Variants in TOMM70 observed in about 807,000 individuals in gnomAD.
TOMM70 encodes mitochondrial import receptor subunit TOM70.
TOMM70 carries 13 observed loss-of-function variants against 73.6 expected under a neutral mutation model. That is an observed-to-expected ratio of 0.18 (90% CI 0.11 to 0.28). The LOEUF (loss-of-function observed/expected upper bound fraction) is 0.28, where lower values mean the gene tolerates loss of function less well. Among genes scored for constraint, TOMM70 ranks in the 10% least tolerant of loss-of-function variants. TOMM70 has a pLI of 1.00. For missense variants in TOMM70, 609 were observed against 747.5 expected (o/e 0.81, Z 2.16); for synonymous variants, 257 against 271.2 (o/e 0.95, Z 0.51).
In TOMM70 at chr3:100,379,582, C is replaced by T. The variant is rs566194845; in HGVS notation, c.885-1670G>A. The stretch of plus-strand genomic sequence containing the variant: ...GTTGGAGGCTGTAGTGAGCTATGAT[C>T]GCAACACTCTACTCCAGCCTGAGTG... On this transcript the variant is annotated intron_variant, in intron 5 of 11. Transcript: ENST00000284320. Among the ~76,000 whole-genome samples the T allele has an allele frequency of 8.5e-5, 13 of 152,262 alleles. No individual in the cohort carries two copies. The South Asian group carries it at 2.1e-3, about 24-fold the overall frequency.
intron 4 of TOMM70, among the ~76,000 whole-genome samples, chr3:100,383,514 A>C (rs58613702): frequency 0.021 from 2,676 of 124,532 alleles, 71 homozygotes; most frequent in African/African-American, 0.072. Context: ...AAGAAAGAAA[A>C]AAACAAACAA....
intron 1 of TOMM70, among the ~76,000 whole-genome samples, chr3:100,391,681 C>A (rs1177078507): frequency 6.6e-6 from 1 of 152,140 alleles, no homozygotes; most frequent in Non-Finnish European, 1.5e-5. Context: ...AAGCAATCCT[C>A]CCACCTTAGC....
rs1706896895 is a variant in TOMM70 at position 100,401,054 on chromosome 3, G to A, written c.-105C>T. 1.6e-6 allele frequency: 2 copies of A among 1,216,272 alleles called. No homozygotes were observed. Among genetic ancestry groups the A allele is most frequent in the Non-Finnish European group, 2.3e-6 (2 of 867,938 alleles). 75.3% of individuals were successfully genotyped at this position (1,216,272 alleles called of 1,614,324 possible). A position where few individuals can be genotyped will look rare whatever the true frequency, so the allele number is the denominator to read the frequency against. ...GAGGGAAGGAAAGCAATGAGCGAGC[G>A]AGCACGCTAGGCAGAGAGAGCGGAC... On this transcript the variant is annotated 5_prime_UTR_variant, in exon 1 of 12. Coordinates refer to ENST00000284320, the MANE Select transcript of TOMM70 (RefSeq NM_014820.5).
At position 100,401,049 on chromosome 3, in the gene TOMM70, C is replaced by T; in HGVS notation, c.-100G>A. ...CGAGGGAGGGAAGGAAAGCAATGAG[C>T]GAGCGAGCACGCTAGGCAGAGAGAG... On this transcript the variant is annotated 5_prime_UTR_variant, in exon 1 of 12. Transcript: ENST00000284320. The T allele has an allele frequency of 8.1e-7, 1 of 1,241,550 alleles. No individual in the cohort carries two copies. The highest frequency in any genetic ancestry group is 1.1e-6 in the Non-Finnish European group (1 of 891,110). The allele number at this position is 1,241,550 out of a possible 1,614,324, so 76.9% of individuals were successfully genotyped here. A position where few individuals can be genotyped will look rare whatever the true frequency, so the allele number is the denominator to read the frequency against.
intron 6 of TOMM70, 91 bp from the exon 7 acceptor site, chr3:100,375,243 A>AT (rs1337983489): frequency 7.0e-6 from 10 of 1,425,406 alleles, no homozygotes; most frequent in Non-Finnish European, 9.2e-6. Flanking sequence ...TATAATCCAC[A>AT]TATCACAAAG....
In TOMM70 at chr3:100,386,305, C is replaced by T. The variant is rs1706691592; in HGVS notation, c.538G>A (p.Val180Ile). 6.2e-7 allele frequency: 1 copy of T among 1,613,180 alleles called. No homozygotes were observed. Among genetic ancestry groups the T allele is most frequent in the East Asian group, 2.2e-5 (1 of 44,752 alleles). Reference sequence around the variant, plus strand: ...TTCACATATTTGGGATTAAGTTCAACAGCTTTTGTACAGTCTTGTGCCACT... The same window carrying T: ...TTCACATATTTGGGATTAAGTTCAATAGCTTTTGTACAGTCTTGTGCCACT... ...KEVAQDCTKAVELNPKYVKAL... is the reference protein window; with the variant it reads ...KEVAQDCTKAIELNPKYVKAL... Residue 180 changes from valine (V) to isoleucine (I), a missense_variant, in exon 3 of 12, where the codon GTT (valine) becomes ATT (isoleucine). Val to Ile is a conservative substitution (Grantham distance 29, BLOSUM62 3). This residue lies in a region of TOMM70 where 432 missense variants were observed against 584.1 expected (regional missense o/e 0.74). Transcript: ENST00000284320.
chr3:100,392,364 T>TA (rs1346026770), intron 1 of TOMM70, among the ~76,000 whole-genome samples: 1 of 152,176 alleles, frequency 6.6e-6, no homozygotes, highest in African/African-American at 2.4e-5. Context: ...ATACTTCAGG[T>TA]AATACACCAA....
chr3:100,374,773 G>A (rs900391120), intron 7 of TOMM70, among the ~76,000 whole-genome samples: 1 of 152,084 alleles, frequency 6.6e-6, no homozygotes, highest in Admixed American at 6.6e-5. Flanking sequence ...AAACAAACTT[G>A]AACTGGTAAG....
chr3:100,393,454 T>C (rs996820169), intron 1 of TOMM70, among the ~76,000 whole-genome samples: 4 of 150,408 alleles, frequency 2.7e-5, no homozygotes, highest in Admixed American at 6.6e-5. Flanking sequence ...AGGAGGGGGG[T>C]GGCAGAGCAT....
chr3:100,382,186 CGTTTTAAATAAATAA>C (rs1438585125), intron 4 of TOMM70, among the ~76,000 whole-genome samples: 4 of 152,094 alleles, frequency 2.6e-5, no homozygotes, highest in African/African-American at 9.7e-5. Flanking sequence ...ACACAATTAC[CGTTTTAAATAAATAA>C]GTTTTAAATA....
At chr3:100,368,198 A>G in intron 10 of TOMM70, 32 bp from the exon 11 acceptor site, 1 of 1,602,936 alleles carries the variant, frequency 6.2e-7, no homozygotes, top group Non-Finnish European at 8.5e-7. Flanking sequence ...AGATGTGACC[A>G]TGGCCCAGTA....
intron 6 of TOMM70, among the ~76,000 whole-genome samples, chr3:100,376,718 C>G (rs1706570119): frequency 6.6e-6 from 1 of 151,962 alleles, no homozygotes; most frequent in South Asian, 2.1e-4. Flanking sequence ...ATTTAGGGCT[C>G]TAATCCATTT....
At chr3:100,374,951 A>T in intron 7 of TOMM70, 67 bp downstream of exon 7, 1 of 1,432,998 alleles carries the variant, frequency 7.0e-7, no homozygotes, top group Non-Finnish European at 9.2e-7. Context: ...ATTACATAAG[A>T]AATTCTCAAA....
rs749149114 is a variant in TOMM70, at chr3:100,364,615, C to T, written c.*949G>A. 5.3e-5 allele frequency: 8 copies of T among 152,024 alleles called. No individual in the cohort carries two copies. The highest frequency in any genetic ancestry group is 1.9e-4 in the East Asian group (1 of 5,182). The allele number at this position is 152,024 out of a possible 1,614,324, so 9.4% of individuals were successfully genotyped here. A position where few individuals can be genotyped will look rare whatever the true frequency, so the allele number is the denominator to read the frequency against. The stretch of plus-strand genomic sequence containing the variant: ...CCCAGGCTGGAGTGCAGTGGCTATT[C>T]GCAGGTGCAATCATCATGGCACATT... On this transcript the variant is annotated 3_prime_UTR_variant, in exon 12 of 12. Transcript: ENST00000284320.
rs748259834 is a variant in TOMM70, at chr3:100,400,959, C to T, written c.-10G>A. Reference sequence around the variant, plus strand: ...GTTTAGAGGCGGCCATGACAAGTGTCCTCTGCCACCGCCTCCCTGTCTGTC... The same window carrying T: ...GTTTAGAGGCGGCCATGACAAGTGTTCTCTGCCACCGCCTCCCTGTCTGTC... On this transcript the variant is annotated 5_prime_UTR_variant, in exon 1 of 12. Transcript: ENST00000284320. 3.4e-4 allele frequency: 526 copies of T among 1,527,902 alleles called. No homozygotes were observed. The highest frequency in any genetic ancestry group is 4.4e-4 in the Non-Finnish European group (507 of 1,143,772). The allele number at this position is 1,527,902 out of a possible 1,614,324, so 94.6% of individuals were successfully genotyped here. A position where few individuals can be genotyped will look rare whatever the true frequency, so the allele number is the denominator to read the frequency against.
At chr3:100,378,406 A>AT (rs1327094629) in intron 5 of TOMM70, among the ~76,000 whole-genome samples, 2 of 152,138 alleles carry the variant, frequency 1.3e-5, no homozygotes, top group Non-Finnish European at 2.9e-5. Flanking sequence ...GGTTAAACAG[A>AT]TTAGGATTTT....
At position 100,377,875 on chromosome 3, in the gene TOMM70, C is replaced by T. The variant is rs755019853; in HGVS notation, c.922G>A (p.Glu308Lys). 6.2e-7 allele frequency: 1 copy of T among 1,614,034 alleles called. No individual in the cohort carries two copies. Among genetic ancestry groups the T allele is most frequent in the Non-Finnish European group, 8.5e-7 (1 of 1,180,022 alleles). ...YLKAKQYMEE[E>K]NYDKIISECS... Reference sequence around the variant, plus strand: ...TCACTTATGATTTTATCGTAGTTTTCTTCTTCCATATACTGTTTGGCCTTT... The same window carrying T: ...TCACTTATGATTTTATCGTAGTTTTTTTCTTCCATATACTGTTTGGCCTTT... Residue 308 changes from glutamate (E) to lysine (K), a missense_variant, in exon 6 of 12, where the codon GAA (glutamate) becomes AAA (lysine). Glu to Lys is a moderately conservative substitution (Grantham distance 56, BLOSUM62 1). This residue lies in a region of TOMM70 where 432 missense variants were observed against 584.1 expected (regional missense o/e 0.74). Coordinates refer to ENST00000284320, the MANE Select transcript of TOMM70 (RefSeq NM_014820.5).
In TOMM70 at chr3:100,369,101, T is replaced by G. The variant is rs1037036540; in HGVS notation, c.1487A>C (p.Asp496Ala). ...ATCAATACATTTATCATACATTTCA[T>G]CAGCTTTACCAAACTGTTGTTGATC... ...LTDQQQFGKA[D>A]EMYDKCIDLE... The change falls in exon 10 of 12, where the codon GAT (aspartate) becomes GCT (alanine). Residue 496 changes from aspartate (D) to alanine (A), a missense_variant. Around this residue, in one of 2 missense-constraint regions of TOMM70, gnomAD observed 432 missense variants for 584.1 expected, o/e 0.74. Coordinates refer to ENST00000284320, the MANE Select transcript of TOMM70 (RefSeq NM_014820.5). 5 of 1,613,594 alleles carry G rather than the reference T, an allele frequency of 3.1e-6. No individual in the cohort carries two copies. Among genetic ancestry groups the G allele is most frequent in the Non-Finnish European group, 4.2e-6 (5 of 1,179,752 alleles).
rs999436708 is a variant in TOMM70 at position 100,377,244 on chromosome 3, A to G, written c.1092+461T>C. Among the ~76,000 whole-genome samples the G allele has an allele frequency of 5.3e-5, 8 of 152,360 alleles. No homozygotes were observed. In the South Asian group the frequency reaches 1.4e-3, roughly 28 times the overall value. ...ATAGCACATTAAGAATACTTAGAAA[A>G]TGAAAGGCTGTTCCAACTGTACAAC... On this transcript the variant is annotated intron_variant, in intron 6 of 11. Transcript: ENST00000284320.
Sources: gnomAD v4.1 joint callset for allele counts (sites outside exome capture counted in the v4.1 genomes callset) on GRCh38, gnomAD v4.1.1 for gene constraint, gnomAD v4.1.1 regional missense constraint, MANE v1.5 for transcripts, NCBI Gene and HGNC (gene_info 2026-07-23, HGNC 2026-07-21) for gene names.